The following SETD5 variants were observed in gnomAD, a reference collection of about 807,000 sequenced individuals.
The protein encoded by SETD5 is histone-lysine N-methyltransferase SETD5.
SETD5 carries 44 observed loss-of-function variants against 153.3 expected under a neutral mutation model. The observed-to-expected ratio is 0.29, with a 90% CI of 0.23 to 0.37. The LOEUF (loss-of-function observed/expected upper bound fraction) is 0.37, where lower values mean the gene tolerates loss of function less well. Among genes scored for constraint, SETD5 ranks in the 10% least tolerant of loss-of-function variants. The pLI is 1.00. For missense variants in SETD5, 1,544 were observed against 1,768.0 expected (o/e 0.87, Z 2.27); for synonymous variants, 716 against 645.2 (o/e 1.11, Z -1.66).
chr3:9,441,124 G>C (rs980422676), intron 8 of SETD5, among the ~76,000 whole-genome samples: 1 of 152,042 alleles, frequency 6.6e-6, no homozygotes, highest in Non-Finnish European at 1.5e-5. Context: ...GAGGTGGAAG[G>C]ATCACTTGAA....
At chr3:9,410,021 G>A (rs1417041425) in intron 1 of SETD5, among the ~76,000 whole-genome samples, 2 of 152,172 alleles carry the variant, frequency 1.3e-5, no homozygotes, top group East Asian at 1.9e-4. Flanking sequence ...TAGAGATAGA[G>A]ATAGTCATGC....
At chr3:9,419,175 T>C (rs538117837) in intron 1 of SETD5, among the ~76,000 whole-genome samples, 1 of 152,340 alleles carries the variant, frequency 6.6e-6, no homozygotes, top group South Asian at 2.1e-4. Context: ...ATGCAGTACT[T>C]GGCACATAGG....
intron 1 of SETD5, among the ~76,000 whole-genome samples, chr3:9,405,326 G>A (rs963469690): frequency 2.0e-5 from 3 of 152,166 alleles, no homozygotes; most frequent in African/African-American, 7.2e-5. Context: ...ATACTAATTT[G>A]TATAAATCTG....
intron 19 of SETD5, 151 bp from the exon 20 acceptor site, chr3:9,473,085 A>G (rs1468533241): frequency 1.1e-6 from 1 of 897,590 alleles, no homozygotes; most frequent in African/African-American, 1.7e-5. Context: ...CTCCCCAAAA[A>G]AAGTTATCAG....
At chr3:9,440,848 A>ACTTTT in intron 8 of SETD5, 150 bp downstream of exon 8, 1 of 979,640 alleles carries the variant, frequency 1.0e-6, no homozygotes, top group Non-Finnish European at 1.5e-6. Flanking sequence ...AACCAAAAGT[A>ACTTTT]GGTTATATTA....
chr3:9,458,590 A>C (rs1453650542), intron 17 of SETD5, among the ~76,000 whole-genome samples: 2 of 152,204 alleles, frequency 1.3e-5, no homozygotes, highest in Admixed American at 1.3e-4. Flanking sequence ...AGCCTGAATG[A>C]CAGCAAGACA....
At position 9,441,461 on chromosome 3, in the gene SETD5, A is replaced by G. The variant is rs537565094; in HGVS notation, c.811-132A>G. ...CTTTCATCACATTTTAAAATTTCTC[A>G]TCATTGATCTAAATAACATGTACAG... On this transcript the variant is annotated intron_variant, in intron 8 of 22. Coordinates refer to ENST00000402198, the MANE Select transcript of SETD5 (RefSeq NM_001080517.3). 5.4e-5 allele frequency: 42 copies of G among 772,722 alleles called. No individual in the cohort carries two copies. In the East Asian group the frequency reaches 8.7e-4, roughly 16 times the overall value. 47.9% of individuals were successfully genotyped at this position (772,722 alleles called of 1,614,324 possible).
At chr3:9,436,413 T>A (rs1292857385) in intron 7 of SETD5, among the ~76,000 whole-genome samples, 2 of 152,192 alleles carry the variant, frequency 1.3e-5, no homozygotes, top group African/African-American at 2.4e-5. Flanking sequence ...GGGAGAAACT[T>A]CTTCTGGTTT....
chr3:9,430,086 C>T, intron 3 of SETD5: 1 of 1,052,804 alleles, frequency 9.5e-7, no homozygotes. Context: ...TTTCTCTTGC[C>T]ATTTTCACAG....
At chr3:9,455,118 C>A (rs888466959) in intron 17 of SETD5, among the ~76,000 whole-genome samples, 1 of 134,372 alleles carries the variant, frequency 7.4e-6, no homozygotes, top group African/African-American at 2.8e-5. Flanking sequence ...GATTTTACTT[C>A]TTTTTAGATT....
At chr3:9,465,998 T>C (rs933420861) in intron 18 of SETD5, among the ~76,000 whole-genome samples, 1 of 151,954 alleles carries the variant, frequency 6.6e-6, no homozygotes, top group African/African-American at 2.4e-5. Flanking sequence ...ATTATGAAAA[T>C]TAGAAGGAGG....
chr3:9,405,096 A>C (rs1252889633), intron 1 of SETD5, among the ~76,000 whole-genome samples: 1 of 152,228 alleles, frequency 6.6e-6, no homozygotes, highest in African/African-American at 2.4e-5. Flanking sequence ...CCCCATTCTT[A>C]AAAGTCTTTA....
chr3:9,447,662 C>A, intron 14 of SETD5, 24 bp from the exon 15 acceptor site: 1 of 1,594,790 alleles, frequency 6.3e-7, no homozygotes, highest in Non-Finnish European at 8.6e-7. Flanking sequence ...TTCTGGTAAG[C>A]ATCTGACCCT....
intron 7 of SETD5, among the ~76,000 whole-genome samples, chr3:9,440,163 A>G (rs749427133): frequency 6.6e-6 from 1 of 152,204 alleles, no homozygotes; most frequent in Non-Finnish European, 1.5e-5. Context: ...TGACTTTAAA[A>G]TGGTCATAAA....
In SETD5 at chr3:9,406,006, G is replaced by T. The variant is rs561647295; in HGVS notation, c.-177+8029G>T. The stretch of plus-strand genomic sequence containing the variant: ...TGGGCATTCTTGGTATCCAAGGAAG[G>T]TTTTACTTAGAAGGAAGAACCTGGA... On this transcript the variant is annotated intron_variant, in intron 1 of 22. Transcript: ENST00000402198. Among the ~76,000 whole-genome samples the T allele has an allele frequency of 2.0e-4, 30 of 152,280 alleles. 1 individual carries two copies. Among genetic ancestry groups the T allele is most frequent in the South Asian group, 1.7e-3 (8 of 4,816 alleles).
chr3:9,436,644 G>A (rs544049865), intron 7 of SETD5, among the ~76,000 whole-genome samples: 39 of 152,300 alleles, frequency 2.6e-4, no homozygotes, highest in African/African-American at 8.4e-4. Flanking sequence ...ACAGTAGAAA[G>A]TATTAAAATT....
intron 1 of SETD5, among the ~76,000 whole-genome samples, chr3:9,405,206 A>T (rs1428983532): frequency 6.6e-6 from 1 of 152,192 alleles, no homozygotes; most frequent in African/African-American, 2.4e-5. Flanking sequence ...AGCATACTTA[A>T]TTTTCGTTGG....
rs754714367 is a variant in SETD5 at position 9,448,464 on chromosome 3, C to T, written c.2180C>T (p.Thr727Met). Residue 727 changes from threonine (T) to methionine (M), a missense_variant, in exon 16 of 23, where the codon ACG becomes ATG. Around this residue, in one of 9 missense-constraint regions of SETD5, gnomAD observed 782 missense variants for 787.2 expected, o/e 0.99. Transcript: ENST00000402198. ...GTTGAGTGCCCTTTACGTATCACAA[C>T]GGATCCAACTGTACTGGCAACGACC... ...CPVECPLRITTDPTVLATTLN... is the reference protein window; with the variant it reads ...CPVECPLRITMDPTVLATTLN... The T allele has an allele frequency of 5.0e-6, 8 of 1,613,854 alleles. No homozygotes were observed. The highest frequency in any genetic ancestry group is 5.1e-6 in the Non-Finnish European group (6 of 1,179,894).
chr3:9,448,713 A>G lies in SETD5; in HGVS notation c.2346+83A>G, dbSNP rs1336943680. 13 of 1,346,152 alleles carry G rather than the reference A, an allele frequency of 9.7e-6. No individual in the cohort carries two copies. In the East Asian group the frequency reaches 1.8e-4, roughly 19 times the overall value. The allele number at this position is 1,346,152 out of a possible 1,614,324, so 83.4% of individuals were successfully genotyped here. A position where few individuals can be genotyped will look rare whatever the true frequency, so the allele number is the denominator to read the frequency against. Reference sequence around the variant, plus strand: ...AGCCTAAGATTCCTATCATCATGACATAAATAAAATGTTCTCTAGATAGCC... The same window carrying G: ...AGCCTAAGATTCCTATCATCATGACGTAAATAAAATGTTCTCTAGATAGCC... On this transcript the variant is annotated intron_variant, in intron 16 of 22. Coordinates refer to ENST00000402198, the MANE Select transcript of SETD5 (RefSeq NM_001080517.3).
Sources: gnomAD v4.1 joint callset for allele counts (sites outside exome capture counted in the v4.1 genomes callset) on GRCh38, gnomAD v4.1.1 for gene constraint, gnomAD v4.1.1 regional missense constraint, MANE v1.5 for transcripts, NCBI Gene and HGNC (gene_info 2026-07-23, HGNC 2026-07-21) for gene names.